The following NPAS3 variants were observed in gnomAD, a reference collection of about 807,000 sequenced individuals.
NPAS3 encodes neuronal PAS domain protein 3, also known as neuronal PAS domain-containing protein 3.
Under a neutral mutation model 73.1 loss-of-function variants are expected in NPAS3, and 14 were observed. The observed-to-expected ratio is 0.19, with a 90% CI of 0.13 to 0.30. The LOEUF (loss-of-function observed/expected upper bound fraction) is 0.30. Among genes scored for constraint, NPAS3 ranks in the 10% least tolerant of loss-of-function variants. The probability of loss-of-function intolerance (pLI) is 1.00; values close to 1 mark genes in which losing one functional copy is unlikely to be tolerated. For synonymous variants in NPAS3, 620 were observed against 541.5 expected, an observed-to-expected ratio of 1.14 and a Z score of -2.01; for missense variants, 1,096 against 1,250.0, an observed-to-expected ratio of 0.88 and a Z score of 1.86.
intron 2 of NPAS3, among the ~76,000 whole-genome samples, chr14:33,113,104 G>A (rs1242816442): frequency 3.9e-5 from 6 of 152,142 alleles, no homozygotes; most frequent in Admixed American, 3.3e-4. Flanking sequence ...GTAGCGTGAT[G>A]CCTCCAGCTT....
chr14:33,578,417 C>T (rs543605097), intron 5 of NPAS3: 205 of 351,800 alleles, frequency 5.8e-4, no homozygotes, highest in African/African-American at 4.2e-3. Flanking sequence ...TGGTCTGGAA[C>T]TCAAAACCTC....
At chr14:33,743,475 C>T (rs2140705120) in intron 7 of NPAS3, among the ~76,000 whole-genome samples, 1 of 152,266 alleles carries the variant, frequency 6.6e-6, no homozygotes, top group African/African-American at 2.4e-5. Flanking sequence ...GATGTGCTGT[C>T]ATCCAGGCTT....
At chr14:33,110,478 T>C (rs988919166) in intron 2 of NPAS3, among the ~76,000 whole-genome samples, 1 of 152,202 alleles carries the variant, frequency 6.6e-6, no homozygotes, top group Non-Finnish European at 1.5e-5. Context: ...TAGTAGTCTG[T>C]GGGAGTTCTG....
chr14:33,722,875 A>G (rs1318286654), intron 6 of NPAS3, among the ~76,000 whole-genome samples: 1 of 152,094 alleles, frequency 6.6e-6, no homozygotes, highest in Non-Finnish European at 1.5e-5. Flanking sequence ...AAAAATAACC[A>G]TTTCAAGATG....
intron 9 of NPAS3, among the ~76,000 whole-genome samples, chr14:33,784,745 A>ATTTTTTTTTTTTT (rs1226491375): frequency 2.8e-4 from 21 of 73,848 alleles, no homozygotes; most frequent in South Asian, 5.4e-4. Flanking sequence ...TTATTTATTT[A>ATTTTTTTTTTTTT]TTTTTTTTTT....
chr14:33,231,569 C>T (rs1317534547), intron 3 of NPAS3, among the ~76,000 whole-genome samples: 6 of 152,042 alleles, frequency 3.9e-5, no homozygotes, highest in Non-Finnish European at 7.4e-5. Flanking sequence ...TACACATTAC[C>T]GTTTCTAAAA....
intron 4 of NPAS3, among the ~76,000 whole-genome samples, chr14:33,539,634 C>T (rs151145763): frequency 1.9e-3 from 286 of 152,258 alleles, no homozygotes; most frequent in Non-Finnish European, 3.2e-3. Flanking sequence ...CCAAGCCCCA[C>T]GTCCCACAAA....
chr14:33,734,174 G>C (rs1012108619), intron 6 of NPAS3, among the ~76,000 whole-genome samples: 1 of 151,848 alleles, frequency 6.6e-6, no homozygotes, highest in African/African-American at 2.4e-5. Flanking sequence ...ACGACTACTC[G>C]AAAGAAATCC....
At chr14:33,786,710 A>G (rs1336098668) in intron 9 of NPAS3, among the ~76,000 whole-genome samples, 1 of 152,230 alleles carries the variant, frequency 6.6e-6, no homozygotes, top group African/African-American at 2.4e-5. Flanking sequence ...AAAGGCAAGT[A>G]GAGGTAAATC....
At chr14:33,255,576 C>T (rs1200267387) in intron 3 of NPAS3, among the ~76,000 whole-genome samples, 1 of 152,066 alleles carries the variant, frequency 6.6e-6, no homozygotes, top group Non-Finnish European at 1.5e-5. Context: ...TCTTTCTTCT[C>T]CATGATTATA....
intron 2 of NPAS3, among the ~76,000 whole-genome samples, chr14:33,118,998 G>A (rs2043149826): frequency 6.6e-6 from 1 of 151,782 alleles, no homozygotes; most frequent in Admixed American, 6.6e-5. Flanking sequence ...AATGCTACAT[G>A]GCAATATTTT....
intron 2 of NPAS3, among the ~76,000 whole-genome samples, chr14:33,148,902 G>C (rs2044344121): frequency 6.6e-6 from 1 of 152,026 alleles, no homozygotes; most frequent in African/African-American, 2.4e-5. Flanking sequence ...GTCCAGGCTG[G>C]TCTCAAACTC....
At chr14:33,134,088 T>A (rs558164058) in intron 2 of NPAS3, among the ~76,000 whole-genome samples, 1 of 152,330 alleles carries the variant, frequency 6.6e-6, no homozygotes, top group African/African-American at 2.4e-5. Flanking sequence ...CTTCTTTTTC[T>A]ACCTACAAAA....
Position 33,800,506 on chromosome 14 carries a change from C to T in NPAS3, c.2199C>T (p.Ala733=), listed in dbSNP as rs2063671255. The T allele has an allele frequency of 3.5e-6, 5 of 1,433,780 alleles. No individual in the cohort carries two copies. Among genetic ancestry groups the T allele is most frequent in the Non-Finnish European group, 3.6e-6 (4 of 1,101,346 alleles). 88.8% of individuals were successfully genotyped at this position (1,433,780 alleles called of 1,614,324 possible). A position where few individuals can be genotyped will look rare whatever the true frequency, so the allele number is the denominator to read the frequency against. The change falls in exon 12 of 12, where the codon GCC becomes GCT. Residue 733 remains alanine (A), a synonymous_variant. Coordinates refer to ENST00000356141, the Ensembl canonical transcript of NPAS3. The surrounding 1 kb of genome is among the most constrained non-coding windows in gnomAD (Gnocchi z 6.5). ...CCGCCCGCAAGACTCAGTTCGGCGC[C>T]TCGGCCACCGCGGCCCTGGCCCCCG... is the stretch of plus-strand genomic sequence containing the variant.
intron 5 of NPAS3, among the ~76,000 whole-genome samples, chr14:33,590,307 A>G (rs1395208943): frequency 6.6e-6 from 1 of 152,106 alleles, no homozygotes; most frequent in African/African-American, 2.4e-5. Flanking sequence ...AGAGCTCTGC[A>G]TTTTGTTTTG....
chr14:33,599,406 A>T (rs1949190342), intron 5 of NPAS3, among the ~76,000 whole-genome samples: 1 of 152,230 alleles, frequency 6.6e-6, no homozygotes, highest in Non-Finnish European at 1.5e-5. Context: ...ATAATGTAAT[A>T]ATATGCAAAA....
At chr14:33,551,848 C>T (rs958111901) in intron 4 of NPAS3, among the ~76,000 whole-genome samples, 1 of 152,162 alleles carries the variant, frequency 6.6e-6, no homozygotes, top group African/African-American at 2.4e-5. Context: ...TTTTCCAAAT[C>T]GAGCACTCCA....
At chr14:33,420,995 T>C (rs1594877005) in intron 4 of NPAS3, among the ~76,000 whole-genome samples, 2 of 152,098 alleles carry the variant, frequency 1.3e-5, no homozygotes, top group Non-Finnish European at 1.5e-5. Context: ...GTCCTCTGTG[T>C]AGCCAAGTGC....
chr14:33,668,062 T>G (rs1051434242), intron 5 of NPAS3, among the ~76,000 whole-genome samples: 3 of 152,204 alleles, frequency 2.0e-5, no homozygotes, highest in African/African-American at 7.2e-5. Flanking sequence ...GAGCCAGTTG[T>G]TTCAAACACA....
Sources: gnomAD v4.1 joint callset for allele counts (sites outside exome capture counted in the v4.1 genomes callset) on GRCh38, gnomAD v4.1.1 for gene constraint, Gnocchi (gnomAD v3.1) non-coding constraint, MANE v1.5 for transcripts, NCBI Gene and HGNC (gene_info 2026-07-23, HGNC 2026-07-21) for gene names.